Variants in FOXP2 observed in about 807,000 individuals in gnomAD.
FOXP2 encodes the protein forkhead box protein P2.
Under a neutral mutation model 115.8 loss-of-function variants are expected in FOXP2, and 12 were observed. The ratio of observed to expected loss-of-function variants is 0.10; its 90% CI spans 0.07 to 0.17. FOXP2 has a LOEUF of 0.17. Among genes scored for constraint, FOXP2 ranks in the 10% least tolerant of loss-of-function variants. FOXP2 has a pLI of 1.00. For synonymous variants in FOXP2, 328 were observed against 297.7 expected (o/e 1.10, Z -1.05); for missense variants, 629 against 843.5 (o/e 0.75, Z 3.15).
intron 3 of FOXP2, among the ~76,000 whole-genome samples, chr7:114,615,656 G>A (rs1803904675): frequency 1.3e-5 from 2 of 152,116 alleles, no homozygotes; most frequent in Non-Finnish European, 2.9e-5. Context: ...TTCCCCTTTA[G>A]AGCACTTTCT....
At chr7:114,513,854 T>A (rs1798193661) in intron 2 of FOXP2, among the ~76,000 whole-genome samples, 1 of 152,022 alleles carries the variant, frequency 6.6e-6, no homozygotes, top group South Asian at 2.1e-4. Context: ...TTTTTATATA[T>A]CACAAACAAA....
At chr7:114,271,858 T>A (rs1165073723) in intron 1 of FOXP2, among the ~76,000 whole-genome samples, 1 of 124,096 alleles carries the variant, frequency 8.1e-6, no homozygotes, top group Non-Finnish European at 1.6e-5. Context: ...AAATAATTAT[T>A]AAAACATTAT....
At chr7:114,223,707 C>A (rs1429174540) in intron 1 of FOXP2, among the ~76,000 whole-genome samples, 5 of 150,900 alleles carry the variant, frequency 3.3e-5, no homozygotes, top group African/African-American at 1.2e-4. Context: ...AACTTCTGGG[C>A]TCAAGTTATC....
chr7:114,193,336 C>A (rs565128742), intron 1 of FOXP2, among the ~76,000 whole-genome samples: 1 of 151,808 alleles, frequency 6.6e-6, no homozygotes, highest in Non-Finnish European at 1.5e-5. Context: ...TTGATTATGT[C>A]ATTTTCTGAA....
At chr7:114,678,057 C>A (rs1023037008) in intron 16 of FOXP2, among the ~76,000 whole-genome samples, 17 of 152,164 alleles carry the variant, frequency 1.1e-4, no homozygotes, top group African/African-American at 4.1e-4. Context: ...GAAGCATGCA[C>A]ATGCACGTGG....
intron 2 of FOXP2, among the ~76,000 whole-genome samples, chr7:114,500,930 G>GT (rs1327608541): frequency 1.3e-5 from 2 of 152,186 alleles, no homozygotes; most frequent in South Asian, 2.1e-4. Context: ...ACATTTATCA[G>GT]TTTTTTTATC....
chr7:114,651,402 T>A (rs569613051), intron 8 of FOXP2, among the ~76,000 whole-genome samples: 32 of 152,234 alleles, frequency 2.1e-4, no homozygotes, highest in African/African-American at 7.7e-4. Flanking sequence ...ACAGAGTATA[T>A]ATTATTAAAT....
At chr7:114,323,297 A>G (rs1797474839) in intron 2 of FOXP2, among the ~76,000 whole-genome samples, 1 of 152,144 alleles carries the variant, frequency 6.6e-6, no homozygotes, top group African/African-American at 2.4e-5. Flanking sequence ...GCCCCAGACT[A>G]AAATCAGCAC....
intron 1 of FOXP2, among the ~76,000 whole-genome samples, chr7:114,151,892 G>A (rs963914658): frequency 6.6e-6 from 1 of 152,062 alleles, no homozygotes; most frequent in African/African-American, 2.4e-5. Context: ...CTTTAGTGTG[G>A]AAGGGAAAAA....
intron 1 of FOXP2, among the ~76,000 whole-genome samples, chr7:114,423,477 A>C (rs1406406750): frequency 1.3e-5 from 2 of 151,692 alleles, no homozygotes; most frequent in African/African-American, 2.4e-5. Context: ...GATGTGGCTG[A>C]AAAGTTGTGT....
chr7:114,471,962 G>GAA (rs755686269), intron 2 of FOXP2, among the ~76,000 whole-genome samples: 8 of 120,682 alleles, frequency 6.6e-5, no homozygotes, highest in Non-Finnish European at 7.1e-5. Context: ...TCCATCTCAG[G>GAA]AAAAAAAAAA....
intron 2 of FOXP2, among the ~76,000 whole-genome samples, chr7:114,344,145 A>G (rs1791282844): frequency 6.6e-6 from 1 of 151,676 alleles, no homozygotes; most frequent in Non-Finnish European, 1.5e-5. Flanking sequence ...GTACCTATAT[A>G]AAAGAACTAT....
upstream of FOXP2, among the ~76,000 whole-genome samples, chr7:114,159,546 G>A (rs977453819): frequency 6.6e-6 from 1 of 151,678 alleles, no homozygotes; most frequent in African/African-American, 2.4e-5. Context: ...AATGATAAAT[G>A]AATAATACAC....
chr7:114,407,323 T>G (rs1244119878), intron 2 of FOXP2, among the ~76,000 whole-genome samples: 1 of 151,898 alleles, frequency 6.6e-6, no homozygotes, highest in Non-Finnish European at 1.5e-5. Context: ...CAATCAAACA[T>G]CAGACCACCA....
chr7:114,358,343 G>A (rs759671324), intron 2 of FOXP2, among the ~76,000 whole-genome samples: 3 of 152,140 alleles, frequency 2.0e-5, no homozygotes, highest in African/African-American at 7.2e-5. Flanking sequence ...TTTCTTCATA[G>A]CATTATGAAA....
rs1793279468 is a variant in FOXP2 at position 114,415,139 on chromosome 7, C to T, written c.-232C>T. The T allele has an allele frequency of 8.8e-6, 4 of 454,306 alleles. No individual in the cohort carries two copies. Among genetic ancestry groups the T allele is most frequent in the Non-Finnish European group, 1.8e-5 (4 of 226,694 alleles). 28.1% of individuals were successfully genotyped at this position (454,306 alleles called of 1,614,324 possible). On this transcript the variant is annotated 5_prime_UTR_variant, in exon 1 of 17. Coordinates refer to ENST00000350908, the MANE Select transcript of FOXP2 (RefSeq NM_014491.4). ...TTTAATTACCAGCACAAAATGCCAT[C>T]AGTCTGGGACGTGATCGGGCAGAGG... is the stretch of plus-strand genomic sequence containing the variant.
Position 114,270,155 on chromosome 7 carries a change from C to T in FOXP2, c.-101-17864C>T, listed in dbSNP as rs376753457. On this transcript the variant is annotated intron_variant, in intron 1 of 17. Transcript: ENST00000634411. ...CATGTCTTTCCATGGCTTGATAACT[C>T]ATTTCTTTTAGTGCTAAATAATACT... 3.3e-5 allele frequency among the ~76,000 whole-genome samples: 5 copies of T among 152,212 alleles called. No individual in the cohort carries two copies. In the East Asian group the frequency reaches 9.7e-4, roughly 29 times the overall value.
intron 1 of FOXP2, among the ~76,000 whole-genome samples, chr7:114,145,461 C>A (rs1447323535): frequency 7.3e-6 from 1 of 137,048 alleles, no homozygotes. Flanking sequence ...CTTTTCTTTT[C>A]TTTTCTTTTC....
intron 2 of FOXP2, among the ~76,000 whole-genome samples, chr7:114,531,351 T>C (rs1799134958): frequency 6.6e-6 from 1 of 152,048 alleles, no homozygotes; most frequent in East Asian, 1.9e-4. Context: ...ACATTTTATA[T>C]TGATGGAAGT....
Sources: gnomAD v4.1 joint callset for allele counts (sites outside exome capture counted in the v4.1 genomes callset) on GRCh38, gnomAD v4.1.1 for gene constraint, MANE v1.5 for transcripts, NCBI Gene and HGNC (gene_info 2026-07-23, HGNC 2026-07-21) for gene names.